CPZ: variants seen among roughly 807,000 people sequenced by gnomAD.
CPZ encodes VEZT/CPZ fusion.
A neutral mutation model predicts 61.8 loss-of-function variants in CPZ; 103 were observed. The ratio of observed to expected loss-of-function variants is 1.67; its 90% CI spans 1.42 to 1.96. The LOEUF (loss-of-function observed/expected upper bound fraction) is 1.96, where lower values mean the gene tolerates loss of function less well. CPZ is among the 30% of genes most tolerant of loss of function. The pLI is 0.00. For synonymous variants in CPZ, 551 were observed against 373.7 expected (o/e 1.47, Z -5.47); for missense variants, 1,461 against 914.9 (o/e 1.60, Z -7.70).
At chr4:8,608,868 C>T (rs978183742) in intron 7 of CPZ, among the ~76,000 whole-genome samples, 6 of 152,168 alleles carry the variant, frequency 3.9e-5, no homozygotes, top group East Asian at 1.9e-4. Flanking sequence ...GGGCCCATGC[C>T]GAGTGCTGTG....
chr4:8,596,213 G>A (rs1391337753), intron 1 of CPZ, among the ~76,000 whole-genome samples: 3 of 152,244 alleles, frequency 2.0e-5, no homozygotes, highest in South Asian at 2.1e-4. Context: ...CACCATGCCC[G>A]GCTAATTTTT....
At chr4:8,615,833 G>C (rs3756160) in intron 9 of CPZ, among the ~76,000 whole-genome samples, 62,276 of 152,048 alleles carry the variant, frequency 0.41, 13,739 homozygotes, top group Admixed American at 0.55. Context: ...AGAATCGAGC[G>C]AACTCCCTGG....
intron 1 of CPZ, among the ~76,000 whole-genome samples, chr4:8,598,320 T>A (rs1043188558): frequency 6.6e-6 from 1 of 152,166 alleles, no homozygotes; most frequent in Admixed American, 6.5e-5. Context: ...GCAGCCCAGG[T>A]CTCTCTGACC....
intron 1 of CPZ, among the ~76,000 whole-genome samples, chr4:8,598,077 C>T (rs1339208445): frequency 6.6e-6 from 1 of 152,240 alleles, no homozygotes; most frequent in Non-Finnish European, 1.5e-5. Flanking sequence ...CCCGCACACG[C>T]CTGTTCCACG....
intron 7 of CPZ, chr4:8,611,013 CATT>C: frequency 1.5e-5 from 5 of 326,328 alleles, no homozygotes; most frequent in East Asian, 9.4e-5. Context: ...TTCACTCACT[CATT>C]CACTCATTCC....
intron 7 of CPZ, among the ~76,000 whole-genome samples, chr4:8,607,839 G>A (rs1420297859): frequency 6.6e-6 from 1 of 152,168 alleles, no homozygotes; most frequent in Non-Finnish European, 1.5e-5. Flanking sequence ...CGCCCGTCCT[G>A]CTTCCCGGGG....
chr4:8,598,452 A>G (rs961429825), intron 1 of CPZ, among the ~76,000 whole-genome samples: 1 of 152,184 alleles, frequency 6.6e-6, no homozygotes, highest in Non-Finnish European at 1.5e-5. Flanking sequence ...GCTGGAGGTG[A>G]AGTCACAGCC....
intron 2 of CPZ, 74 bp from the exon 3 acceptor site, chr4:8,601,049 C>A: frequency 6.7e-7 from 1 of 1,493,530 alleles, no homozygotes; most frequent in South Asian, 1.4e-5. Flanking sequence ...CGTGGGGTCC[C>A]CTACGTAAAT....
At chr4:8,614,105 G>C (rs548498131) in intron 8 of CPZ, among the ~76,000 whole-genome samples, 1 of 152,264 alleles carries the variant, frequency 6.6e-6, no homozygotes, top group African/African-American at 2.4e-5. Flanking sequence ...GCCATCTGCG[G>C]ATCTGCAAAG....
intron 8 of CPZ, among the ~76,000 whole-genome samples, chr4:8,612,851 G>A (rs980870029): frequency 7.2e-5 from 11 of 152,214 alleles, no homozygotes; most frequent in African/African-American, 2.7e-4. Flanking sequence ...GCCACAGGTG[G>A]CAGAGCCAGG....
intron 3 of CPZ, chr4:8,602,989 C>G (rs572315823): frequency 6.6e-6 from 1 of 152,428 alleles, no homozygotes; most frequent in East Asian, 1.9e-4. Flanking sequence ...CTGTGGGAGG[C>G]CAGGGAGGCG....
chr4:8,607,207 C>T (rs2302579), intron 6 of CPZ, 60 bp from the exon 7 acceptor site: 841,987 of 1,561,920 alleles, frequency 0.54, 229,857 homozygotes, highest in Admixed American at 0.67. Flanking sequence ...AAGCCCAGGG[C>T]ATGGCTGCGG....
At chr4:8,596,585 T>G (rs149966949) in intron 1 of CPZ, among the ~76,000 whole-genome samples, 1 of 152,352 alleles carries the variant, frequency 6.6e-6, no homozygotes, top group Non-Finnish European at 1.5e-5. Context: ...TGTTGAGCAT[T>G]CACTGGGCAC....
Position 8,607,412 on chromosome 4 carries a change from C to G in CPZ, c.1214C>G (p.Thr405Arg). ...CAGGAGGAGAAGATGTTTTCTCCCA[C>G]GCCCGACGAGAAGGTGAGAGGGCTG... The part of the protein sequence containing the change: ...HPQEEKMFSP[T>R]PDEKMFKLLS... Residue 405 changes from threonine to arginine, a missense_variant, in exon 7 of 11, where the codon ACG (threonine) becomes AGG (arginine). Physicochemically the swap from Thr to Arg is moderately conservative, Grantham distance 71. Coordinates refer to ENST00000360986, the MANE Select transcript of CPZ (RefSeq NM_001014447.3). 6.2e-7 allele frequency: 1 copy of G among 1,613,966 alleles called. No homozygotes were observed. Among genetic ancestry groups the G allele is most frequent in the Non-Finnish European group, 8.5e-7 (1 of 1,179,908 alleles).
intron 7 of CPZ, 89 bp from the exon 8 acceptor site, chr4:8,611,938 G>T: frequency 6.3e-7 from 1 of 1,581,466 alleles, no homozygotes; most frequent in Non-Finnish European, 8.6e-7. Flanking sequence ...GCAGGTGTTT[G>T]CACGCGCAGC....
At chr4:8,604,222 G>T in intron 4 of CPZ, 34 bp downstream of exon 4, 1 of 1,494,314 alleles carries the variant, frequency 6.7e-7, no homozygotes. Context: ...GCCTGGCCCC[G>T]TTTCGGGAAA....
intron 7 of CPZ, among the ~76,000 whole-genome samples, chr4:8,607,644 A>C (rs1290678325): frequency 6.6e-6 from 1 of 152,080 alleles, no homozygotes; most frequent in African/African-American, 2.4e-5. Context: ...GATCTCCCCG[A>C]GGCTGGCTGC....
chr4:8,612,363 TG>T (rs1715784668), intron 8 of CPZ, among the ~76,000 whole-genome samples: 3 of 151,808 alleles, frequency 2.0e-5, no homozygotes, highest in African/African-American at 7.2e-5. Flanking sequence ...GTGACTGTTG[TG>T]GAGGACCCAG....
At chr4:8,617,139 T>G (rs533725268) in intron 9 of CPZ, among the ~76,000 whole-genome samples, 1 of 152,342 alleles carries the variant, frequency 6.6e-6, no homozygotes, top group Non-Finnish European at 1.5e-5. Context: ...GGGCCGCGTG[T>G]GTCAGGCCAG....
Sources: gnomAD v4.1 joint callset for allele counts (sites outside exome capture counted in the v4.1 genomes callset) on GRCh38, gnomAD v4.1.1 for gene constraint, MANE v1.5 for transcripts, NCBI Gene and HGNC (gene_info 2026-07-23, HGNC 2026-07-21) for gene names.